The following LSAMP variants were observed in gnomAD, a reference collection of about 807,000 sequenced individuals.
The protein encoded by LSAMP is limbic system-associated membrane protein.
Under a neutral mutation model 38.6 loss-of-function variants are expected in LSAMP, and 7 were observed. The ratio of observed to expected loss-of-function variants is 0.18; its 90% CI spans 0.10 to 0.34. LSAMP has a LOEUF of 0.34. LSAMP is among the 10% of genes least tolerant of loss of function. The pLI is 1.00. For missense variants in LSAMP, 313 were observed against 420.0 expected, an observed-to-expected ratio of 0.75 and a Z score of 2.23; for synonymous variants, 154 against 166.8, an observed-to-expected ratio of 0.92 and a Z score of 0.59.
At chr3:116,053,123 A>AAAAC (rs1426755951) in intron 2 of LSAMP, among the ~76,000 whole-genome samples, 2 of 152,236 alleles carry the variant, frequency 1.3e-5, no homozygotes, top group Non-Finnish European at 2.9e-5. Context: ...TCTCAACAGT[A>AAAAC]AAACTGAGAA....
chr3:116,316,778 G>GAAAAAAAAAAA (rs35294836), intron 1 of LSAMP, among the ~76,000 whole-genome samples: 2 of 118,938 alleles, frequency 1.7e-5, no homozygotes, highest in Admixed American at 9.3e-5. Context: ...CTCAAAAAAA[G>GAAAAAAAAAAA]AAAAAAAAAA....
At chr3:116,167,656 T>C (rs2107548405) in intron 1 of LSAMP, among the ~76,000 whole-genome samples, 1 of 152,356 alleles carries the variant, frequency 6.6e-6, no homozygotes, top group East Asian at 1.9e-4. Flanking sequence ...ATATAAGTGA[T>C]GTAAGTAGAG....
At chr3:116,325,702 C>G (rs1234068388) in intron 1 of LSAMP, among the ~76,000 whole-genome samples, 1 of 152,136 alleles carries the variant, frequency 6.6e-6, no homozygotes, top group African/African-American at 2.4e-5. Context: ...TTTATGTACA[C>G]TTCAGATGCA....
chr3:116,225,384 G>T (rs959862585), intron 1 of LSAMP, among the ~76,000 whole-genome samples: 1 of 152,150 alleles, frequency 6.6e-6, no homozygotes, highest in Non-Finnish European at 1.5e-5. Context: ...GAAAAGGAAG[G>T]ATTATCCTCT....
intron 2 of LSAMP, among the ~76,000 whole-genome samples, chr3:116,082,834 G>T (rs1328900345): frequency 6.6e-6 from 1 of 152,040 alleles, no homozygotes; most frequent in Non-Finnish European, 1.5e-5. Context: ...GGAGATAAAT[G>T]ATAAGAACTT....
chr3:116,268,402 CA>C (rs144856453), intron 1 of LSAMP, among the ~76,000 whole-genome samples: 4,701 of 152,132 alleles, frequency 0.031, 243 homozygotes, highest in African/African-American at 0.11. Context: ...ATGTAAGGCA[CA>C]ATTTAAATTT....
Position 116,355,924 on chromosome 3 carries a change from T to C in LSAMP, c.155+88953A>G, listed in dbSNP as rs148661062. 4.3e-3 allele frequency among the ~76,000 whole-genome samples: 656 copies of C among 152,150 alleles called. 6 individuals are homozygous for C. The highest frequency in any genetic ancestry group is 0.015 in the African/African-American group (621 of 41,494). ...TGGCTTTTATCCAAAACACAGGCAA[T>C]AGCAAATTCTGGCAAGGATATGGAG... On this transcript the variant is annotated intron_variant, in intron 1 of 6. Transcript: ENST00000490035.
Position 116,267,143 on chromosome 3 carries a change from A to G in LSAMP, c.155+177734T>C, listed in dbSNP as rs530940466. ...CACTGTATACACTGAGCTGGAATGC[A>G]AGGCAGATGTTACATTTTTTTTTGA... On this transcript the variant is annotated intron_variant, in intron 1 of 6. Transcript: ENST00000490035. Among the ~76,000 whole-genome samples, 42 of 152,246 alleles carry G rather than the reference A, an allele frequency of 2.8e-4. 1 individual carries two copies. The South Asian group carries it at 8.7e-3, about 32-fold the overall frequency.
intron 1 of LSAMP, among the ~76,000 whole-genome samples, chr3:116,444,410 C>CAA (rs1553737226): frequency 6.0e-5 from 9 of 149,418 alleles, no homozygotes; most frequent in African/African-American, 2.0e-4. Flanking sequence ...CACACACACA[C>CAA]AGACACGGGA....
chr3:115,816,216 T>A (rs1299479832), intron 6 of LSAMP, among the ~76,000 whole-genome samples: 1 of 152,126 alleles, frequency 6.6e-6, no homozygotes, highest in East Asian at 1.9e-4. Context: ...TAGGGTCTGT[T>A]TTATGAAGCC....
chr3:116,122,180 A>T (rs191224480), intron 1 of LSAMP, among the ~76,000 whole-genome samples: 1 of 152,362 alleles, frequency 6.6e-6, no homozygotes, highest in Admixed American at 6.5e-5. Flanking sequence ...TGCCATCATT[A>T]ATTTAGAAAT....
Position 116,141,207 on chromosome 3 carries a change from C to T in LSAMP, c.156-54651G>A, listed in dbSNP as rs561333021. Among the ~76,000 whole-genome samples the T allele has an allele frequency of 2.2e-4, 33 of 151,906 alleles. 2 individuals carry two copies. In the East Asian group the frequency reaches 5.4e-3, roughly 25 times the overall value. On this transcript the variant is annotated intron_variant, in intron 1 of 6. Coordinates refer to ENST00000490035, the MANE Select transcript of LSAMP (RefSeq NM_002338.5). ...ATAAAGATGTATTTACGGTAAGTGA[C>T]GGAGTGAAGATACATATCCAGACCT... is the stretch of plus-strand genomic sequence containing the variant.
chr3:116,339,467 G>GTT, intron 1 of LSAMP, among the ~76,000 whole-genome samples: 1 of 146,428 alleles, frequency 6.8e-6, no homozygotes, highest in South Asian at 2.2e-4. Flanking sequence ...CACTAATGAA[G>GTT]TTTTTTTTTT....
chr3:115,894,209 C>A (rs1936673346), intron 3 of LSAMP, among the ~76,000 whole-genome samples: 1 of 152,064 alleles, frequency 6.6e-6, no homozygotes, highest in African/African-American at 2.4e-5. Context: ...TCCAGGGTAA[C>A]CTTGCCCAGA....
intron 3 of LSAMP, among the ~76,000 whole-genome samples, chr3:115,983,297 C>G: frequency 6.6e-6 from 1 of 152,092 alleles, no homozygotes; most frequent in East Asian, 1.9e-4. Flanking sequence ...GGGAGGATTG[C>G]TCAACACCCA....
intron 6 of LSAMP, among the ~76,000 whole-genome samples, chr3:115,819,386 C>T (rs907750003): frequency 6.6e-6 from 1 of 151,504 alleles, no homozygotes; most frequent in Non-Finnish European, 1.5e-5. Flanking sequence ...AGTGAGATTG[C>T]ACCACTGCTC....
At chr3:116,444,787 GACACACACACACACACACACACAAAC>G (rs375902236) in intron 1 of LSAMP, 64 bp downstream of exon 1, 10 of 1,202,232 alleles carry the variant, frequency 8.3e-6, no homozygotes, top group Admixed American at 3.9e-5. Context: ...AAGGAGATCA[GACACACACACACACACACACACAAAC>G]ACACACACAC....
At chr3:116,177,864 T>C (rs62269193) in intron 1 of LSAMP, among the ~76,000 whole-genome samples, 14,373 of 152,202 alleles carry the variant, frequency 0.094, 963 homozygotes, top group African/African-American at 0.2. Context: ...CCCTGACTTG[T>C]AAAAGCTCAC....
At chr3:116,214,758 C>T (rs1187978357) in intron 1 of LSAMP, among the ~76,000 whole-genome samples, 1 of 152,084 alleles carries the variant, frequency 6.6e-6, no homozygotes. Context: ...CTGCCTCAGC[C>T]TCCCAAAGTG....
Sources: gnomAD v4.1 joint callset for allele counts (sites outside exome capture counted in the v4.1 genomes callset) on GRCh38, gnomAD v4.1.1 for gene constraint, MANE v1.5 for transcripts, NCBI Gene and HGNC (gene_info 2026-07-23, HGNC 2026-07-21) for gene names.